Variants in COLEC12 observed in about 807,000 individuals in gnomAD.
COLEC12 encodes collectin subfamily member 12.
COLEC12 carries 33 observed loss-of-function variants against 71.1 expected under a neutral mutation model. The ratio of observed to expected loss-of-function variants is 0.46; its 90% CI spans 0.35 to 0.62. The LOEUF (loss-of-function observed/expected upper bound fraction) is 0.62, where lower values mean the gene tolerates loss of function less well. Ranked by LOEUF, COLEC12 falls within the 20% of genes least tolerant of loss-of-function variation. The probability of loss-of-function intolerance (pLI) is 0.00; values close to 1 mark genes in which losing one functional copy is unlikely to be tolerated. For missense variants in COLEC12, 765 were observed against 916.1 expected, an observed-to-expected ratio of 0.84 and a Z score of 2.13; for synonymous variants, 350 against 353.0, an observed-to-expected ratio of 0.99 and a Z score of 0.10.
chr18:368,819 TCA>T (rs1567886776), intron 2 of COLEC12, among the ~76,000 whole-genome samples: 1 of 152,126 alleles, frequency 6.6e-6, no homozygotes. Context: ...TGAGCCGAGA[TCA>T]CGTCACTGCA....
rs185934769 is a variant in COLEC12, at chr18:408,832, A to T, written c.59-51310T>A. Among the ~76,000 whole-genome samples the T allele has an allele frequency of 6.6e-6, 1 of 152,070 alleles. No homozygotes were observed. The highest frequency in any genetic ancestry group is 6.6e-5 in the Admixed American group (1 of 15,260). ...GTGTACCATACTTATTTAATTTTTA[A>T]TTTTTATTTTTTATTTTTTTGAGAT... On this transcript the variant is annotated intron_variant, in intron 2 of 9. Transcript: ENST00000400256. The surrounding 1 kb of genome is among the most constrained non-coding windows in gnomAD (Gnocchi z 4.3).
At chr18:411,474 T>C (rs2143636373) in intron 2 of COLEC12, among the ~76,000 whole-genome samples, 1 of 152,250 alleles carries the variant, frequency 6.6e-6, no homozygotes, top group East Asian at 1.9e-4. Context: ...TATTAATATG[T>C]TTCAAACAAA....
At chr18:366,406 GA>G (rs1914857338) in intron 2 of COLEC12, among the ~76,000 whole-genome samples, 1 of 151,984 alleles carries the variant, frequency 6.6e-6, no homozygotes, top group Non-Finnish European at 1.5e-5. Context: ...TCTCTTCCCT[GA>G]AACGCTCTTC....
chr18:397,014 A>C (rs1915585702), intron 2 of COLEC12, among the ~76,000 whole-genome samples: 1 of 152,202 alleles, frequency 6.6e-6, no homozygotes, highest in Non-Finnish European at 1.5e-5. Flanking sequence ...TGGAATGCCC[A>C]GTCAGCTCTG....
chr18:347,518 G>T (rs557140682), intron 4 of COLEC12, among the ~76,000 whole-genome samples, 177 bp from the exon 5 acceptor site: 1 of 152,294 alleles, frequency 6.6e-6, no homozygotes, highest in South Asian at 2.1e-4. Context: ...GGGTCCTGGG[G>T]AATCGGAAAA....
At chr18:433,463 G>A (rs986770495) in intron 2 of COLEC12, among the ~76,000 whole-genome samples, 33 of 152,240 alleles carry the variant, frequency 2.2e-4, no homozygotes, top group African/African-American at 7.0e-4. Context: ...GGCTATTTGA[G>A]TACTACTGCC....
At chr18:455,468 C>T (rs150008720) in intron 2 of COLEC12, among the ~76,000 whole-genome samples, 2,000 of 151,908 alleles carry the variant, frequency 0.013, 19 homozygotes, top group Middle Eastern at 0.048. Flanking sequence ...TTAGTAGAGA[C>T]GGGGTTTCAC....
At chr18:353,813 C>T (rs1300147065) in intron 3 of COLEC12, among the ~76,000 whole-genome samples, 1 of 152,190 alleles carries the variant, frequency 6.6e-6, no homozygotes, top group East Asian at 1.9e-4. Context: ...GCATTTCTAC[C>T]TTGAACACCA....
intron 1 of COLEC12, among the ~76,000 whole-genome samples, chr18:483,135 C>T (rs1010792636): frequency 4.6e-5 from 7 of 152,042 alleles, no homozygotes; most frequent in African/African-American, 1.7e-4. Flanking sequence ...CGTGGTGGCT[C>T]ATGCCTGTAA....
intron 5 of COLEC12, among the ~76,000 whole-genome samples, chr18:342,322 A>G (rs1463760513): frequency 1.3e-5 from 2 of 152,230 alleles, no homozygotes; most frequent in Non-Finnish European, 2.9e-5. Flanking sequence ...TTCTTGGTTG[A>G]TGGATGTAGA....
chr18:364,604 T>C (rs967548801), intron 2 of COLEC12, among the ~76,000 whole-genome samples: 3 of 152,192 alleles, frequency 2.0e-5, no homozygotes, highest in South Asian at 2.1e-4. Flanking sequence ...GCTGAATCTT[T>C]TCATTAAAAG....
At position 496,208 on chromosome 18, in the gene COLEC12, T is replaced by C. The variant is rs530655294; in HGVS notation, c.7+4300A>G. On this transcript the variant is annotated intron_variant, in intron 1 of 9. Coordinates refer to ENST00000400256, the MANE Select transcript of COLEC12 (RefSeq NM_130386.3). ...GAAAATGAGATACTCTGTTATGACA[T>C]AGCCTGAAAGCCATCATCGGCTAGC... is the stretch of plus-strand genomic sequence containing the variant. Among the ~76,000 whole-genome samples the C allele has an allele frequency of 1.3e-4, 20 of 152,348 alleles. 1 individual carries two copies. In the South Asian group the frequency reaches 2.7e-3, roughly 21 times the overall value.
At position 408,298 on chromosome 18, in the gene COLEC12, A is replaced by T. The variant is rs891854789; in HGVS notation, c.59-50776T>A. 3.9e-5 allele frequency among the ~76,000 whole-genome samples: 6 copies of T among 152,210 alleles called. No individual in the cohort carries two copies. Among genetic ancestry groups the T allele is most frequent in the Admixed American group, 3.3e-4 (5 of 15,282 alleles). ...AGGTCAGCACAGTGCCTGGCCCCTG[A>T]TACCTGCAAATGTCAGTCTCTTTTT... On this transcript the variant is annotated intron_variant, in intron 2 of 9. Transcript: ENST00000400256. The surrounding 1 kb of genome is among the most constrained non-coding windows in gnomAD (Gnocchi z 4.3).
intron 1 of COLEC12, among the ~76,000 whole-genome samples, chr18:483,556 G>A (rs1276080447): frequency 6.6e-6 from 1 of 152,150 alleles, no homozygotes; most frequent in East Asian, 1.9e-4. Context: ...TATACTCAAA[G>A]TGGTTTTCTT....
At chr18:329,437 G>A (rs1242776336) in intron 8 of COLEC12, among the ~76,000 whole-genome samples, 1 of 152,058 alleles carries the variant, frequency 6.6e-6, no homozygotes, top group Non-Finnish European at 1.5e-5. Context: ...GCAGAATTTT[G>A]TCTTTTTTAA....
chr18:473,636 T>A (rs1338009886), intron 2 of COLEC12, among the ~76,000 whole-genome samples: 2 of 152,246 alleles, frequency 1.3e-5, no homozygotes, highest in African/African-American at 4.8e-5. Context: ...GTGCTGGGAT[T>A]ACAGGCGTAA....
chr18:369,148 C>T (rs1274280), intron 2 of COLEC12, among the ~76,000 whole-genome samples: 16,618 of 152,176 alleles, frequency 0.11, 965 homozygotes, highest in South Asian at 0.16. Context: ...TTCCACTCAG[C>T]GCCCTTACCA....
intron 2 of COLEC12, among the ~76,000 whole-genome samples, chr18:371,003 G>A (rs1410590279): frequency 1.3e-5 from 2 of 152,198 alleles, no homozygotes; most frequent in Non-Finnish European, 2.9e-5. Flanking sequence ...AGAATACAAT[G>A]AAGTCTGGAC....
chr18:357,180 G>A lies in COLEC12; in HGVS notation c.181+220C>T, dbSNP rs554397708. The stretch of plus-strand genomic sequence containing the variant: ...AAACTTTATAACTCTCAGAGAGGAC[G>A]CTGATTATTGCTGAAATGAGTCAAA... On this transcript the variant is annotated intron_variant, in intron 3 of 9. Transcript: ENST00000400256. 5.3e-5 allele frequency among the ~76,000 whole-genome samples: 8 copies of A among 152,262 alleles called. No homozygotes were observed. The South Asian group carries it at 1.7e-3, about 32-fold the overall frequency.
Sources: gnomAD v4.1 joint callset for allele counts (sites outside exome capture counted in the v4.1 genomes callset) on GRCh38, gnomAD v4.1.1 for gene constraint, Gnocchi (gnomAD v3.1) non-coding constraint, MANE v1.5 for transcripts, NCBI Gene and HGNC (gene_info 2026-07-23, HGNC 2026-07-21) for gene names.